Variants in KIAA1549 observed in about 807,000 individuals in gnomAD.
The protein encoded by KIAA1549 is UPF0606 protein KIAA1549.
A neutral mutation model predicts 156.4 loss-of-function variants in KIAA1549; 70 were observed. That is an observed-to-expected ratio of 0.45 (90% CI 0.37 to 0.55). The LOEUF (loss-of-function observed/expected upper bound fraction) is 0.55. Among genes scored for constraint, KIAA1549 ranks in the 20% least tolerant of loss-of-function variants. The pLI is 0.00. For missense variants in KIAA1549, 2,428 were observed against 2,540.9 expected, an observed-to-expected ratio of 0.96 and a Z score of 0.96; for synonymous variants, 1,103 against 1,066.4, an observed-to-expected ratio of 1.03 and a Z score of -0.67.
intron 10 of KIAA1549, among the ~76,000 whole-genome samples, chr7:138,893,531 T>G (rs1811600518): frequency 6.6e-6 from 1 of 152,160 alleles, no homozygotes; most frequent in Non-Finnish European, 1.5e-5. Context: ...AGACCAACAC[T>G]CAAAACAAAA....
At chr7:138,927,183 G>A (rs1812742847) in intron 1 of KIAA1549, among the ~76,000 whole-genome samples, 1 of 152,054 alleles carries the variant, frequency 6.6e-6, no homozygotes, top group Non-Finnish European at 1.5e-5. Flanking sequence ...TCCACCATAT[G>A]AATAGACCAA....
intron 1 of KIAA1549, among the ~76,000 whole-genome samples, chr7:138,964,183 C>T (rs2130561471): frequency 6.6e-6 from 1 of 152,334 alleles, no homozygotes; most frequent in East Asian, 1.9e-4. Flanking sequence ...CTAACAGGGA[C>T]AGGGAGCTGG....
Position 138,832,972 on chromosome 7 carries a change from T to C in KIAA1549, c.*4934A>G. ...TCATAGAAACCCTGTTAGAACGTGT[T>C]AACATGTTAGATTAAATGTAAAAAT... On this transcript the variant is annotated 3_prime_UTR_variant, in exon 20 of 20. Coordinates refer to ENST00000422774, the MANE Select transcript of KIAA1549 (RefSeq NM_001164665.2). 1 of 231,716 alleles carries C rather than the reference T, an allele frequency of 4.3e-6. No individual in the cohort carries two copies. Among genetic ancestry groups the C allele is most frequent in the East Asian group, 6.1e-5 (1 of 16,334 alleles). The allele number at this position is 231,716 out of a possible 1,614,324, so 14.4% of individuals were successfully genotyped here. A position where few individuals can be genotyped will look rare whatever the true frequency, so the allele number is the denominator to read the frequency against.
chr7:138,836,043 T>G lies in KIAA1549; in HGVS notation c.*1863A>C, dbSNP rs546486111. On this transcript the variant is annotated 3_prime_UTR_variant, in exon 20 of 20. Coordinates refer to ENST00000422774, the MANE Select transcript of KIAA1549 (RefSeq NM_001164665.2). ...GCTAAAACATGGTTTTGAAATCCAGTGATTACACTTTGGAAACCTGTTTTA... is the reference window on the plus strand; with the variant it reads ...GCTAAAACATGGTTTTGAAATCCAGGGATTACACTTTGGAAACCTGTTTTA... 1.9e-5 allele frequency: 4 copies of G among 212,236 alleles called. No homozygotes were observed. Among genetic ancestry groups the G allele is most frequent in the Admixed American group, 5.9e-5 (1 of 17,008 alleles). The allele number at this position is 212,236 out of a possible 1,614,324, so 13.1% of individuals were successfully genotyped here.
chr7:138,840,144 GC>G lies in KIAA1549; in HGVS notation c.5586del (p.Arg1863GlufsTer112). The G allele has an allele frequency of 6.4e-7, 1 of 1,551,600 alleles. No individual in the cohort carries two copies. Among genetic ancestry groups the G allele is most frequent in the Non-Finnish European group, 8.7e-7 (1 of 1,146,950 alleles). On this transcript the variant is annotated frameshift_variant, in exon 19 of 20. Transcript: ENST00000422774. LOFTEE classifies it high-confidence loss of function. ...CAGGAGATACTCACGGCCTCTCTTC[GC>G]CCCGCTTCGTCCTCCCCGTACGAAG... Reference protein sequence around the residue: ...GWPSYGEDEAGRREATHMLGH... With the variant: ...GWPSYGEDEAXRREATHMLGH...
chr7:138,903,514 T>C (rs1485576406), intron 8 of KIAA1549, 74 bp downstream of exon 8: 3 of 1,442,110 alleles, frequency 2.1e-6, no homozygotes, highest in Non-Finnish European at 2.8e-6. Context: ...GGGTTTTAGA[T>C]GGAGTGTGCA....
In KIAA1549 at chr7:138,836,216, G is replaced by C. The variant is rs143968273; in HGVS notation, c.*1690C>G. The C allele has an allele frequency of 1.9e-4, 39 of 204,670 alleles. No homozygotes were observed. The highest frequency in any genetic ancestry group is 1.7e-3 in the Middle Eastern group (1 of 602). The allele number at this position is 204,670 out of a possible 1,614,324, so 12.7% of individuals were successfully genotyped here. On this transcript the variant is annotated 3_prime_UTR_variant, in exon 20 of 20. Coordinates refer to ENST00000422774, the MANE Select transcript of KIAA1549 (RefSeq NM_001164665.2). ...TTTGGTCAATGACGGTCTACATATT[G>C]ATGGTAGTCCCATAAGATTATAAAA...
chr7:138,866,093 A>G (rs1584714458), intron 15 of KIAA1549, among the ~76,000 whole-genome samples: 1 of 152,304 alleles, frequency 6.6e-6, no homozygotes, highest in South Asian at 2.1e-4. Context: ...CTACTGTAAG[A>G]GCAGCCATGC....
At chr7:138,885,208 G>A (rs1563063007) in intron 10 of KIAA1549, among the ~76,000 whole-genome samples, 1 of 152,260 alleles carries the variant, frequency 6.6e-6, no homozygotes, top group Admixed American at 6.5e-5. Context: ...TTGTACTCCA[G>A]GGGGACAAGA....
intron 10 of KIAA1549, among the ~76,000 whole-genome samples, chr7:138,890,875 G>A (rs1016686024): frequency 1.2e-4 from 18 of 152,170 alleles, no homozygotes; most frequent in African/African-American, 4.3e-4. Flanking sequence ...TCTATGTCCT[G>A]AAAACCCCCC....
chr7:138,981,210 C>A lies in KIAA1549; in HGVS notation c.60G>T (p.Gly20=), dbSNP rs879129620. 9 of 1,022,900 alleles carry A rather than the reference C, an allele frequency of 8.8e-6. No homozygotes were observed. In the South Asian group the frequency reaches 3.6e-4, roughly 40 times the overall value. 63.4% of individuals were successfully genotyped at this position (1,022,900 alleles called of 1,614,324 possible). A position where few individuals can be genotyped will look rare whatever the true frequency, so the allele number is the denominator to read the frequency against. ...GAAMEGKPRA[G]VALAPGPSGR... ...CGCTCGGCCCCGGGGCCAGCGCGAC[C>A]CCGGCGCGGGGCTTCCCCTCCATGG... The change falls in exon 1 of 20, where the codon GGG becomes GGT. Residue 20 remains glycine, a synonymous_variant. Coordinates refer to ENST00000422774, the MANE Select transcript of KIAA1549 (RefSeq NM_001164665.2). The surrounding 1 kb of genome is among the most constrained non-coding windows in gnomAD (Gnocchi z 4.5).
chr7:138,961,138 C>T (rs888229465), intron 1 of KIAA1549, among the ~76,000 whole-genome samples: 5 of 152,204 alleles, frequency 3.3e-5, no homozygotes, highest in African/African-American at 1.2e-4. Flanking sequence ...AGAGTGGGGT[C>T]TCCTCTAGGC....
At chr7:138,870,360 T>C (rs1012313588) in intron 13 of KIAA1549, among the ~76,000 whole-genome samples, 1 of 152,066 alleles carries the variant, frequency 6.6e-6, no homozygotes, top group Non-Finnish European at 1.5e-5. Flanking sequence ...GGAAAAAAAG[T>C]CACTCGAACC....
chr7:138,930,236 A>G (rs1812833102), intron 1 of KIAA1549, among the ~76,000 whole-genome samples: 1 of 152,216 alleles, frequency 6.6e-6, no homozygotes, highest in Admixed American at 6.5e-5. Flanking sequence ...GCTGTCATCT[A>G]GGCTGTGTTG....
intron 1 of KIAA1549, among the ~76,000 whole-genome samples, chr7:138,936,178 G>C (rs1219924125): frequency 1.3e-5 from 2 of 152,128 alleles, no homozygotes; most frequent in Non-Finnish European, 2.9e-5. Flanking sequence ...CTGCACTAAG[G>C]TAAAAAAGAT....
intron 12 of KIAA1549, among the ~76,000 whole-genome samples, chr7:138,879,276 C>A (rs1811174099): frequency 6.6e-6 from 1 of 152,144 alleles, no homozygotes; most frequent in South Asian, 2.1e-4. Context: ...GACCTCTGGG[C>A]AGGCAAATCG....
intron 1 of KIAA1549, among the ~76,000 whole-genome samples, chr7:138,974,642 C>G (rs1298496653): frequency 6.6e-6 from 1 of 151,694 alleles, no homozygotes; most frequent in Non-Finnish European, 1.5e-5. Context: ...AGGCTGGTCT[C>G]GAACTCCTGG....
chr7:138,875,359 A>C (rs937390437), intron 12 of KIAA1549, among the ~76,000 whole-genome samples: 12 of 152,286 alleles, frequency 7.9e-5, no homozygotes, highest in African/African-American at 2.9e-4. Context: ...AAAAGAAAGA[A>C]AAACGCTGGG....
chr7:138,971,554 C>T (rs1814221055), intron 1 of KIAA1549, among the ~76,000 whole-genome samples: 1 of 152,096 alleles, frequency 6.6e-6, no homozygotes, highest in African/African-American at 2.4e-5. Flanking sequence ...CCTCTTCCTA[C>T]GTTATTTCAC....
Sources: allele counts gnomAD v4.1 joint callset (sites outside exome capture counted in the v4.1 genomes callset), GRCh38; gene constraint gnomAD v4.1.1; non-coding constraint Gnocchi (gnomAD v3.1); transcripts MANE v1.5; gene names NCBI Gene and HGNC (gene_info 2026-07-23, HGNC 2026-07-21).